Variants in USH2A observed in about 807,000 individuals in gnomAD.
USH2A encodes Usher syndrome 2A (autosomal recessive, mild).
A neutral mutation model predicts 538.9 loss-of-function variants in USH2A; 443 were observed. That is an observed-to-expected ratio of 0.82 (90% CI 0.76 to 0.89). The LOEUF (loss-of-function observed/expected upper bound fraction) is 0.89, where lower values mean the gene tolerates loss of function less well. USH2A is among the 40% of genes least tolerant of loss of function. USH2A has a pLI of 0.00. For synonymous variants in USH2A, 2,413 were observed against 2,273.5 expected, an observed-to-expected ratio of 1.06 and a Z score of -1.75; for missense variants, 6,633 against 6,324.8, an observed-to-expected ratio of 1.05 and a Z score of -1.65.
At chr1:215,953,004 C>G (rs973064257) in intron 37 of USH2A, among the ~76,000 whole-genome samples, 16 of 152,232 alleles carry the variant, frequency 1.1e-4, no homozygotes, top group African/African-American at 3.6e-4. Context: ...ATCCAACTTA[C>G]AAGGGACGTG....
intron 60 of USH2A, among the ~76,000 whole-genome samples, chr1:215,729,434 A>G (rs1475680632): frequency 6.6e-6 from 1 of 152,174 alleles, no homozygotes; most frequent in African/African-American, 2.4e-5. Context: ...TTTTTTCTAC[A>G]TTTATTGTAC....
chr1:216,279,021 C>T (rs1310948618), intron 11 of USH2A, among the ~76,000 whole-genome samples: 1 of 152,150 alleles, frequency 6.6e-6, no homozygotes, highest in Non-Finnish European at 1.5e-5. Flanking sequence ...GCTTCTTTCA[C>T]TGATGCCTTT....
intron 44 of USH2A, among the ~76,000 whole-genome samples, chr1:215,848,127 C>T (rs1251576339): frequency 5.3e-5 from 8 of 152,058 alleles, no homozygotes; most frequent in South Asian, 2.1e-4. Flanking sequence ...TGATAATATT[C>T]GTCAAGTACA....
intron 47 of USH2A, among the ~76,000 whole-genome samples, chr1:215,828,456 A>T (rs1663218132): frequency 6.6e-6 from 1 of 152,168 alleles, no homozygotes; most frequent in South Asian, 2.1e-4. Flanking sequence ...CAACAACAAA[A>T]AAGAAAAAAA....
At chr1:215,673,637 T>C (rs1418467396) in intron 63 of USH2A, among the ~76,000 whole-genome samples, 1 of 152,236 alleles carries the variant, frequency 6.6e-6, no homozygotes, top group East Asian at 1.9e-4. Context: ...CTGGATTTGA[T>C]AAGAAGGCTC....
chr1:215,865,165 A>T (rs1462928463), intron 44 of USH2A, among the ~76,000 whole-genome samples: 1 of 152,206 alleles, frequency 6.6e-6, no homozygotes, highest in Non-Finnish European at 1.5e-5. Flanking sequence ...TAATTTACTT[A>T]AGATAGCAAG....
At chr1:216,017,047 A>G (rs942675956) in intron 32 of USH2A, among the ~76,000 whole-genome samples, 2 of 152,096 alleles carry the variant, frequency 1.3e-5, no homozygotes, top group African/African-American at 4.8e-5. Flanking sequence ...CTTCCTGAAC[A>G]TCTCTAATAC....
intron 65 of USH2A, 92 bp from the exon 66 acceptor site, chr1:215,648,858 G>A: frequency 1.6e-6 from 2 of 1,259,408 alleles, no homozygotes; most frequent in South Asian, 2.4e-5. Context: ...TACAAATGGA[G>A]TACCATGCCA....
chr1:216,081,223 T>C (rs566913703), intron 26 of USH2A, among the ~76,000 whole-genome samples: 1 of 152,152 alleles, frequency 6.6e-6, no homozygotes, highest in South Asian at 2.1e-4. Context: ...TTATAGTGGC[T>C]CAGGTAAGGA....
chr1:215,757,105 T>A (rs543649184), intron 58 of USH2A, among the ~76,000 whole-genome samples: 1 of 152,226 alleles, frequency 6.6e-6, no homozygotes, highest in Admixed American at 6.5e-5. Context: ...ATAAAGATTA[T>A]AGCACTTTGT....
chr1:216,333,046 A>T (rs1416716946), intron 4 of USH2A, among the ~76,000 whole-genome samples: 1 of 152,160 alleles, frequency 6.6e-6, no homozygotes, highest in East Asian at 1.9e-4. Context: ...CAACTATTTT[A>T]TATATGTTCA....
rs111291865 is a variant in USH2A, at chr1:215,909,515, C to T, written c.7301-8610G>A. On this transcript the variant is annotated intron_variant, in intron 38 of 71. Transcript: ENST00000307340. ...GGATGATAATGGGTAAGGGTATACA[C>T]GTGTGGAGGCAAGGATAAATGGGAA... is the stretch of plus-strand genomic sequence containing the variant. 2.2e-4 allele frequency among the ~76,000 whole-genome samples: 34 copies of T among 151,984 alleles called. 1 individual carries two copies. The highest frequency in any genetic ancestry group is 7.7e-4 in the African/African-American group (32 of 41,472).
chr1:216,261,167 G>A (rs576291940), intron 11 of USH2A, among the ~76,000 whole-genome samples: 1 of 151,960 alleles, frequency 6.6e-6, no homozygotes, highest in Non-Finnish European at 1.5e-5. Context: ...AAACAATGCA[G>A]GGAATTAGAG....
At chr1:216,194,174 T>C (rs187643463) in intron 19 of USH2A, 3 of 152,200 alleles carry the variant, frequency 2.0e-5, no homozygotes, top group African/African-American at 7.2e-5. Flanking sequence ...TAAAATGATA[T>C]TTTGGAGCTC....
intron 47 of USH2A, among the ~76,000 whole-genome samples, chr1:215,826,816 G>A (rs1318664506): frequency 6.6e-6 from 1 of 152,062 alleles, no homozygotes; most frequent in Non-Finnish European, 1.5e-5. Context: ...AAACTTAAAC[G>A]ATGAAAACAT....
intron 38 of USH2A, among the ~76,000 whole-genome samples, chr1:215,908,150 G>C (rs113006845): frequency 2.6e-3 from 3 of 1,146 alleles, no homozygotes; most frequent in Non-Finnish European, 4.7e-3. Flanking sequence ...GCTAAGCAAC[G>C]TCTCAATGAA....
Position 215,759,073 on chromosome 1 carries a change from G to C in USH2A, c.11232-321C>G, listed in dbSNP as rs10864196. ...AATCTTCCCCATTTTTAAATAGGTTGGAGTTCAGGGAAATATGTTTAGAGA... is the reference window on the plus strand; with the variant it reads ...AATCTTCCCCATTTTTAAATAGGTTCGAGTTCAGGGAAATATGTTTAGAGA... On this transcript the variant is annotated intron_variant, in intron 57 of 71. Coordinates refer to ENST00000307340, the MANE Select transcript of USH2A (RefSeq NM_206933.4). Among the ~76,000 whole-genome samples, 18,679 of 152,156 alleles carry C rather than the reference G, an allele frequency of 0.12. 1,269 individuals are homozygous for C. The highest frequency in any genetic ancestry group is 0.13 in the African/African-American group (5,561 of 41,526).
chr1:216,326,604 A>T (rs2037738303), intron 5 of USH2A, among the ~76,000 whole-genome samples: 2 of 152,182 alleles, frequency 1.3e-5, no homozygotes, highest in Admixed American at 6.5e-5. Context: ...TCTAAAATAT[A>T]GTAAGGCTTT....
intron 38 of USH2A, among the ~76,000 whole-genome samples, chr1:215,930,869 TA>T (rs1365736480): frequency 2.6e-5 from 4 of 152,040 alleles, no homozygotes; most frequent in African/African-American, 7.2e-5. Context: ...GATTCGTTTT[TA>T]TTTTTTTAAT....
Sources: gnomAD v4.1 joint callset for allele counts (sites outside exome capture counted in the v4.1 genomes callset) on GRCh38, gnomAD v4.1.1 for gene constraint, MANE v1.5 for transcripts, NCBI Gene and HGNC (gene_info 2026-07-23, HGNC 2026-07-21) for gene names.